GBE1: variants seen among roughly 807,000 people sequenced by gnomAD.
GBE1 encodes 1,4-alpha-glucan-branching enzyme.
GBE1 carries 70 observed loss-of-function variants against 88.8 expected under a neutral mutation model. The observed-to-expected ratio is 0.79, with a 90% CI of 0.65 to 0.96. The LOEUF (loss-of-function observed/expected upper bound fraction) is 0.96, where lower values mean the gene tolerates loss of function less well. Among genes scored for constraint, GBE1 ranks in the 40% least tolerant of loss-of-function variants. The pLI, the probability that GBE1 is intolerant of heterozygous loss-of-function variation, is 0.00. For missense variants in GBE1, 872 were observed against 871.0 expected, an observed-to-expected ratio of 1.00 and a Z score of -0.01; for synonymous variants, 284 against 300.1, an observed-to-expected ratio of 0.95 and a Z score of 0.56.
intron 11 of GBE1, among the ~76,000 whole-genome samples, chr3:81,578,855 C>T (rs548035012): frequency 1.3e-5 from 2 of 152,064 alleles, no homozygotes; most frequent in South Asian, 4.1e-4. Context: ...AATCCATAAT[C>T]TCAGTACCCT....
At chr3:81,548,631 T>C (rs993482117) in intron 12 of GBE1, among the ~76,000 whole-genome samples, 2 of 151,230 alleles carry the variant, frequency 1.3e-5, no homozygotes, top group African/African-American at 4.8e-5. Context: ...TCACAGAAAA[T>C]TGTTATGTTG....
chr3:81,673,304 GTTCA>G (rs1270076731), intron 2 of GBE1, among the ~76,000 whole-genome samples: 1 of 151,862 alleles, frequency 6.6e-6, no homozygotes, highest in Non-Finnish European at 1.5e-5. Context: ...TAGTTCGTTA[GTTCA>G]TTCATTCATT....
intron 2 of GBE1, among the ~76,000 whole-genome samples, chr3:81,704,158 G>A (rs139253159): frequency 1.8e-4 from 27 of 151,440 alleles, no homozygotes; most frequent in Non-Finnish European, 3.4e-4. Context: ...TTATATACTA[G>A]GTAAATATAA....
rs73853483 is a variant in GBE1, at chr3:81,743,795, A to T, written c.143+17580T>A. Among the ~76,000 whole-genome samples, 769 of 152,254 alleles carry T rather than the reference A, an allele frequency of 5.1e-3. 2 individuals carry two copies. The highest frequency in any genetic ancestry group is 0.018 in the African/African-American group (738 of 41,568). ...ACATGATGCATTTAGCATTAAAAAA[A>T]GACATGAATAAGAATTACCTCAATG... On this transcript the variant is annotated intron_variant, in intron 1 of 15. Transcript: ENST00000429644.
chr3:81,706,273 C>T (rs1479224541), intron 1 of GBE1, among the ~76,000 whole-genome samples: 1 of 152,144 alleles, frequency 6.6e-6, no homozygotes. Context: ...AGAACATACA[C>T]CATATCAAAG....
rs116593255 is a variant in GBE1 at position 81,490,577 on chromosome 3, C to T, written c.2053-114G>A. 9.0e-4 allele frequency: 770 copies of T among 851,436 alleles called. 3 individuals carry two copies. In the African/African-American group the frequency reaches 0.012, roughly 13 times the overall value. The allele number at this position is 851,436 out of a possible 1,614,324, so 52.7% of individuals were successfully genotyped here. ...CACATCTGCCTAAAGTTACAGTTAC[C>T]TTTACAATTTTACAAGCTCTTAGAA... On this transcript the variant is annotated intron_variant, in intron 15 of 15. Transcript: ENST00000429644.
chr3:81,687,166 G>A (rs1705453964), intron 2 of GBE1, among the ~76,000 whole-genome samples: 1 of 152,110 alleles, frequency 6.6e-6, no homozygotes, highest in Non-Finnish European at 1.5e-5. Context: ...ATAGTCTATG[G>A]TATCATTCTA....
chr3:81,740,499 AC>A, intron 1 of GBE1, among the ~76,000 whole-genome samples: 1 of 152,192 alleles, frequency 6.6e-6, no homozygotes, highest in Middle Eastern at 3.4e-3. Flanking sequence ...AGACCACTTA[AC>A]TTCTAATTAT....
At chr3:81,553,440 T>C (rs775658286) in intron 12 of GBE1, among the ~76,000 whole-genome samples, 11 of 152,152 alleles carry the variant, frequency 7.2e-5, no homozygotes, top group Non-Finnish European at 1.6e-4. Flanking sequence ...GGGACAGATA[T>C]CCTGTATTTT....
intron 1 of GBE1, among the ~76,000 whole-genome samples, 194 bp downstream of exon 1, chr3:81,761,181 C>CA (rs1248674054): frequency 1.3e-5 from 2 of 152,238 alleles, no homozygotes; most frequent in Non-Finnish European, 2.9e-5. Context: ...CTCCGGGCAC[C>CA]AGCGCTGTCA....
intron 14 of GBE1, among the ~76,000 whole-genome samples, chr3:81,527,823 T>A (rs1468627559): frequency 6.6e-6 from 1 of 152,032 alleles, no homozygotes; most frequent in African/African-American, 2.4e-5. Context: ...TCCTCAGGCA[T>A]CTAGAATGAG....
chr3:81,706,118 GTC>G (rs1705772773), intron 1 of GBE1, among the ~76,000 whole-genome samples: 1 of 152,180 alleles, frequency 6.6e-6, no homozygotes, highest in Non-Finnish European at 1.5e-5. Flanking sequence ...ACTCGAGGGT[GTC>G]TCTGAAGTAC....
At chr3:81,503,297 G>C (rs571485497) in intron 14 of GBE1, among the ~76,000 whole-genome samples, 1 of 152,132 alleles carries the variant, frequency 6.6e-6, no homozygotes, top group Non-Finnish European at 1.5e-5. Context: ...CAATGAGAGG[G>C]AGAGTCAAGG....
chr3:81,693,258 A>G, intron 2 of GBE1, among the ~76,000 whole-genome samples: 1 of 152,174 alleles, frequency 6.6e-6, no homozygotes. Flanking sequence ...ATCAAACACG[A>G]TCCTCAAAAA....
At chr3:81,575,230 T>C (rs1703630817) in intron 12 of GBE1, among the ~76,000 whole-genome samples, 1 of 150,074 alleles carries the variant, frequency 6.7e-6, no homozygotes, top group African/African-American at 2.5e-5. Flanking sequence ...TAGTTATTGC[T>C]GATCTCCCTT....
In GBE1 at chr3:81,591,075, C is replaced by T; in HGVS notation, c.1198G>A (p.Val400Ile). 1 of 1,610,200 alleles carries T rather than the reference C, an allele frequency of 6.2e-7. No homozygotes were observed. The highest frequency in any genetic ancestry group is 8.5e-7 in the Non-Finnish European group (1 of 1,177,936). Residue 400 changes from valine to isoleucine, a missense_variant, in exon 9 of 16, where the codon GTT (valine) becomes ATT (isoleucine). Transcript: ENST00000429644. ...ATAGAATCGGGACACAGCGTGTGAA[C>T]CAAATGATTTGCCAACATGAGGTAA... ...LTYLMLANHL[V>I]HTLCPDSITI...
At chr3:81,529,401 G>A (rs550778621) in intron 14 of GBE1, among the ~76,000 whole-genome samples, 9 of 151,740 alleles carry the variant, frequency 5.9e-5, no homozygotes, top group Non-Finnish European at 7.4e-5. Context: ...TTATTATTAC[G>A]AGTTTTGTGA....
intron 3 of GBE1, chr3:81,655,010 A>C (rs1704911273): frequency 2.0e-5 from 3 of 152,218 alleles, no homozygotes; most frequent in African/African-American, 7.2e-5. Context: ...TTCTGGAAGA[A>C]ACATGAGGGT....
intron 14 of GBE1, among the ~76,000 whole-genome samples, chr3:81,523,712 T>C (rs1357069570): frequency 6.6e-6 from 1 of 151,664 alleles, no homozygotes; most frequent in Non-Finnish European, 1.5e-5. Context: ...TCAACTGTTT[T>C]AATTTTTAGC....
Sources: allele counts gnomAD v4.1 joint callset (sites outside exome capture counted in the v4.1 genomes callset), GRCh38; gene constraint gnomAD v4.1.1; transcripts MANE v1.5; gene names NCBI Gene and HGNC (gene_info 2026-07-23, HGNC 2026-07-21).